The following USP39 variants were observed in gnomAD, a reference collection of about 807,000 sequenced individuals.
USP39 encodes the protein ubiquitin carboxyl-terminal hydrolase 39.
A neutral mutation model predicts 66.4 loss-of-function variants in USP39; 38 were observed. The ratio of observed to expected loss-of-function variants is 0.57; its 90% CI spans 0.44 to 0.75. The LOEUF is 0.75. USP39 is among the 30% of genes least tolerant of loss of function. The pLI is 0.00. For missense variants in USP39, 608 were observed against 714.4 expected (o/e 0.85, Z 1.70); for synonymous variants, 303 against 274.6 (o/e 1.10, Z -1.02).
upstream of USP39, chr2:85,609,500 G>T: frequency 6.2e-7 from 1 of 1,614,194 alleles, no homozygotes; most frequent in African/African-American, 1.3e-5. Context: ...AAGAGCTGAT[G>T]GCCAGAAGGC....
intron 3 of USP39, among the ~76,000 whole-genome samples, chr2:85,623,040 C>G (rs1674582004): frequency 6.6e-6 from 1 of 152,102 alleles, no homozygotes; most frequent in African/African-American, 2.4e-5. Flanking sequence ...GTGCAAAAAT[C>G]AATGTTAGCT....
At chr2:85,616,157 G>A (rs757823971), upstream of USP39, 115 of 1,405,898 alleles carry the variant, frequency 8.2e-5, no homozygotes, top group Non-Finnish European at 9.6e-5. Flanking sequence ...GCTCGAGCGT[G>A]CTTGGCGCCT....
chr2:85,641,917 AAAAAAAAAAAAAG>A (rs1164875738), intron 10 of USP39, among the ~76,000 whole-genome samples: 2 of 149,382 alleles, frequency 1.3e-5, no homozygotes, highest in African/African-American at 4.9e-5. Flanking sequence ...TAAAAAAAAA[AAAAAAAAAAAAAG>A]AAAGAAAGAA....
At chr2:85,633,345 ACTC>A (rs1675515378) in intron 6 of USP39, among the ~76,000 whole-genome samples, 1 of 151,808 alleles carries the variant, frequency 6.6e-6, no homozygotes, top group Admixed American at 6.6e-5. Flanking sequence ...CTGGTATCGA[ACTC>A]CTCACCTCAG....
At chr2:85,621,615 C>T (rs755267083) in intron 3 of USP39, 36 bp downstream of exon 3, 1 of 1,486,684 alleles carries the variant, frequency 6.7e-7, no homozygotes, top group African/African-American at 1.8e-5. Flanking sequence ...CAGATCTGCT[C>T]CAGAGGGACT....
At chr2:85,618,584 A>G (rs1341475045) in intron 1 of USP39, among the ~76,000 whole-genome samples, 1 of 151,660 alleles carries the variant, frequency 6.6e-6, no homozygotes, top group Non-Finnish European at 1.5e-5. Flanking sequence ...ACAAAAAAAA[A>G]ACGAAACACA....
chr2:85,637,031 A>T lies in USP39; in HGVS notation c.1028-338A>T, dbSNP rs536440983. ...TTTGAAAGTAGCTTATGGTTATGGG[A>T]AGTTCCTTGGCTGTACCTTGTTTTG... On this transcript the variant is annotated intron_variant, in intron 7 of 12. Transcript: ENST00000323701. Among the ~76,000 whole-genome samples the T allele has an allele frequency of 2.0e-5, 3 of 152,280 alleles. No homozygotes were observed. In the South Asian group the frequency reaches 6.2e-4, roughly 32 times the overall value.
chr2:85,603,686 G>T (rs530412467), intron 1 of USP39, among the ~76,000 whole-genome samples: 1 of 151,788 alleles, frequency 6.6e-6, no homozygotes, highest in Admixed American at 6.6e-5. Context: ...CCGCCTCACG[G>T]GTTCACGCCA....
intron 9 of USP39, 153 bp downstream of exon 9, chr2:85,639,544 T>A: frequency 1.4e-6 from 1 of 715,996 alleles, no homozygotes. Flanking sequence ...AATCTCTACC[T>A]CCCAGTTTCA....
upstream of USP39, chr2:85,611,390 A>G: frequency 6.8e-7 from 1 of 1,468,102 alleles, no homozygotes; most frequent in Admixed American, 2.6e-5. Context: ...GTAGCGGAGC[A>G]CCTTACTAAA....
chr2:85,635,050 C>T (rs906117251), intron 6 of USP39, among the ~76,000 whole-genome samples: 15 of 152,014 alleles, frequency 9.9e-5, no homozygotes, highest in Non-Finnish European at 7.3e-5. Flanking sequence ...TATTAGTTGC[C>T]GAGTGTTTAG....
chr2:85,648,029 C>T lies in USP39; in HGVS notation c.1650+13C>T. The T allele has an allele frequency of 1.2e-6, 2 of 1,613,872 alleles. No homozygotes were observed. Among genetic ancestry groups the T allele is most frequent in the South Asian group, 2.2e-5 (2 of 91,078 alleles). On this transcript the variant is annotated intron_variant, in intron 12 of 12. Coordinates refer to ENST00000323701, the MANE Select transcript of USP39 (RefSeq NM_006590.4). Reference sequence around the variant, plus strand: ...GGCTTACATTCAGGTGGGTTGGCCACAGGCTTAGTGAGCCACAAATAGGTG... The same window carrying T: ...GGCTTACATTCAGGTGGGTTGGCCATAGGCTTAGTGAGCCACAAATAGGTG...
chr2:85,634,275 A>G (rs1037322117), intron 6 of USP39, among the ~76,000 whole-genome samples: 4 of 151,882 alleles, frequency 2.6e-5, no homozygotes, highest in South Asian at 4.2e-4. Flanking sequence ...AACATGGCCA[A>G]TGAAATCTTA....
intron 6 of USP39, among the ~76,000 whole-genome samples, chr2:85,633,842 T>G (rs1017301817): frequency 8.0e-5 from 11 of 137,882 alleles, no homozygotes; most frequent in Non-Finnish European, 1.2e-4. Flanking sequence ...TTTTTTTTTT[T>G]TTTTTTTTTT....
intron 12 of USP39, 125 bp from the exon 13 acceptor site, chr2:85,648,636 T>C: frequency 9.1e-7 from 1 of 1,100,676 alleles, no homozygotes; most frequent in South Asian, 1.3e-5. Flanking sequence ...GATTTCCAAA[T>C]GGGGTATAGC....
At chr2:85,615,637 CTTCT>C (rs1018053861), upstream of USP39, among the ~76,000 whole-genome samples, 1 of 152,002 alleles carries the variant, frequency 6.6e-6, no homozygotes, top group East Asian at 1.9e-4. Context: ...CGAATGACAG[CTTCT>C]TTGTTTTTGA....
intron 10 of USP39, 151 bp from the exon 11 acceptor site, chr2:85,644,797 A>T: frequency 1.1e-6 from 1 of 897,418 alleles, no homozygotes; most frequent in Non-Finnish European, 1.6e-6. Context: ...GTGAATTCCA[A>T]CGCACCTGGA....
At chr2:85,639,134 C>A in intron 8 of USP39, 69 bp from the exon 9 acceptor site, 1 of 1,434,706 alleles carries the variant, frequency 7.0e-7, no homozygotes, top group Non-Finnish European at 9.3e-7. Flanking sequence ...CGTGGTAAAA[C>A]ATCGGTTCTG....
chr2:85,633,614 A>T (rs980141580), intron 6 of USP39, among the ~76,000 whole-genome samples: 1 of 151,998 alleles, frequency 6.6e-6, no homozygotes, highest in Admixed American at 6.6e-5. Context: ...AAAAATTTTT[A>T]AAAATTACCC....
Sources: allele counts gnomAD v4.1 joint callset (sites outside exome capture counted in the v4.1 genomes callset), GRCh38; gene constraint gnomAD v4.1.1; transcripts MANE v1.5; gene names NCBI Gene and HGNC (gene_info 2026-07-23, HGNC 2026-07-21).